NRXN3: variants seen among roughly 807,000 people sequenced by gnomAD.
The protein encoded by NRXN3 is neurexin 3.
In NRXN3, 32 loss-of-function variants were observed where a neutral mutation model predicts 137.6. That is an observed-to-expected ratio of 0.23 (90% CI 0.18 to 0.31). The LOEUF (loss-of-function observed/expected upper bound fraction) is 0.31. NRXN3 is among the 10% of genes least tolerant of loss of function. The probability of loss-of-function intolerance (pLI) is 1.00; values close to 1 mark genes in which losing one functional copy is unlikely to be tolerated. For synonymous variants in NRXN3, 798 were observed against 784.5 expected, an observed-to-expected ratio of 1.02 and a Z score of -0.29; for missense variants, 1,574 against 2,062.5, an observed-to-expected ratio of 0.76 and a Z score of 4.59.
At chr14:78,763,977 C>G (rs925028313) in intron 8 of NRXN3, among the ~76,000 whole-genome samples, 1 of 152,196 alleles carries the variant, frequency 6.6e-6, no homozygotes, top group African/African-American at 2.4e-5. Context: ...GACTGTGACA[C>G]TAGGTGATGA....
At position 78,957,489 on chromosome 14, in the gene NRXN3, A is replaced by C. The variant is rs2152967540; in HGVS notation, c.2395+128A>C. The C allele has an allele frequency of 2.7e-6, 3 of 1,117,024 alleles. No homozygotes were observed. In the East Asian group the frequency reaches 7.7e-5, roughly 28 times the overall value. 69.2% of individuals were successfully genotyped at this position (1,117,024 alleles called of 1,614,324 possible). The stretch of plus-strand genomic sequence containing the variant: ...AAGTCACAAATCATGTTTTCTGTTG[A>C]CAAACTCAGGCAAGGCTAAGAAGGT... On this transcript the variant is annotated intron_variant, in intron 11 of 20. Transcript: ENST00000335750.
chr14:79,347,436 T>C (rs2092944953), intron 15 of NRXN3, among the ~76,000 whole-genome samples: 2 of 151,982 alleles, frequency 1.3e-5, no homozygotes, highest in Admixed American at 1.3e-4. Flanking sequence ...CTTTTTTTTT[T>C]TTTGAAACAG....
intron 20 of NRXN3, among the ~76,000 whole-genome samples, chr14:79,835,864 A>T (rs919371524): frequency 1.3e-5 from 2 of 152,172 alleles, no homozygotes; most frequent in Admixed American, 1.3e-4. Context: ...GATAATCATG[A>T]TAGTCGCACA....
chr14:78,234,738 AG>A (rs772904602), intron 1 of NRXN3, among the ~76,000 whole-genome samples: 2 of 152,130 alleles, frequency 1.3e-5, no homozygotes, highest in Non-Finnish European at 2.9e-5. Flanking sequence ...AGTGCCTTTC[AG>A]GGCTTGAGCT....
chr14:79,360,165 G>A (rs187103593), intron 15 of NRXN3, among the ~76,000 whole-genome samples: 25 of 152,324 alleles, frequency 1.6e-4, no homozygotes, highest in Admixed American at 3.9e-4. Flanking sequence ...AATTGTAACC[G>A]TAGCTTCCTC....
At chr14:78,559,615 T>C (rs148654768) in intron 4 of NRXN3, among the ~76,000 whole-genome samples, 3 of 152,350 alleles carry the variant, frequency 2.0e-5, no homozygotes, top group African/African-American at 4.8e-5. Context: ...CCACCAGCCA[T>C]GCACAAGAAA....
chr14:79,130,382 A>T (rs2057280591), intron 15 of NRXN3, among the ~76,000 whole-genome samples: 1 of 152,076 alleles, frequency 6.6e-6, no homozygotes. Flanking sequence ...TGGTGGTGAC[A>T]AAATCTCTCA....
intron 15 of NRXN3, among the ~76,000 whole-genome samples, chr14:79,400,147 A>C (rs1315067418): frequency 6.6e-6 from 1 of 152,202 alleles, no homozygotes; most frequent in Non-Finnish European, 1.5e-5. Context: ...AAGTAATATC[A>C]CATTCTGAGG....
intron 15 of NRXN3, among the ~76,000 whole-genome samples, chr14:79,257,832 G>A (rs950543929): frequency 1.3e-5 from 2 of 151,808 alleles, no homozygotes; most frequent in African/African-American, 4.8e-5. Context: ...CTCAATTCCT[G>A]TAAAATTATT....
At chr14:78,650,774 T>C (rs2097734075) in intron 5 of NRXN3, among the ~76,000 whole-genome samples, 1 of 152,194 alleles carries the variant, frequency 6.6e-6, no homozygotes, top group South Asian at 2.1e-4. Flanking sequence ...AATGTCTTCT[T>C]TGCTGTTTTT....
intron 15 of NRXN3, among the ~76,000 whole-genome samples, chr14:79,099,379 G>A (rs1486577389): frequency 6.6e-6 from 1 of 152,066 alleles, no homozygotes; most frequent in Non-Finnish European, 1.5e-5. Flanking sequence ...GTGTAGGGTG[G>A]CCATACAATT....
At chr14:78,986,368 A>G (rs1360893599) in intron 14 of NRXN3, among the ~76,000 whole-genome samples, 1 of 152,172 alleles carries the variant, frequency 6.6e-6, no homozygotes, top group Non-Finnish European at 1.5e-5. Context: ...TCCTAAATGT[A>G]TAGATTTATC....
chr14:78,780,186 A>G (rs748413591), intron 8 of NRXN3, among the ~76,000 whole-genome samples: 41 of 152,230 alleles, frequency 2.7e-4, no homozygotes, highest in Non-Finnish European at 5.0e-4. Flanking sequence ...TTGACCAGGT[A>G]GACATTGAAA....
intron 16 of NRXN3, among the ~76,000 whole-genome samples, chr14:79,501,847 G>A (rs544239612): frequency 9.2e-5 from 14 of 152,194 alleles, no homozygotes; most frequent in African/African-American, 1.7e-4. Context: ...GGTGGATGTC[G>A]GAGAGGAAGG....
chr14:78,866,175 A>T (rs1240583061), intron 10 of NRXN3, among the ~76,000 whole-genome samples: 1 of 152,150 alleles, frequency 6.6e-6, no homozygotes, highest in Non-Finnish European at 1.5e-5. Context: ...TCGAGATTAG[A>T]TTGTTCTTGT....
chr14:78,532,530 A>G (rs1229622427), intron 4 of NRXN3, among the ~76,000 whole-genome samples: 2 of 151,524 alleles, frequency 1.3e-5, no homozygotes, highest in African/African-American at 4.8e-5. Context: ...CTTCTCTCCT[A>G]TCTTTCAGGA....
intron 17 of NRXN3, among the ~76,000 whole-genome samples, chr14:79,664,888 T>G (rs2153987752): frequency 6.6e-6 from 1 of 152,256 alleles, no homozygotes; most frequent in South Asian, 2.1e-4. Context: ...AGTGATGTGC[T>G]ACTCTCTATC....
intron 15 of NRXN3, among the ~76,000 whole-genome samples, chr14:78,989,292 G>T (rs910447329): frequency 3.3e-5 from 5 of 152,232 alleles, no homozygotes; most frequent in African/African-American, 7.2e-5. Flanking sequence ...GATCTATGTG[G>T]TTTTTTTGAT....
intron 4 of NRXN3, among the ~76,000 whole-genome samples, chr14:78,433,054 G>A (rs990025735): frequency 6.6e-6 from 1 of 152,162 alleles, no homozygotes; most frequent in African/African-American, 2.4e-5. Context: ...CCTCCTTAGG[G>A]TCTTACAAGG....
Sources: allele counts gnomAD v4.1 joint callset (sites outside exome capture counted in the v4.1 genomes callset), GRCh38; gene constraint gnomAD v4.1.1; transcripts MANE v1.5; gene names NCBI Gene and HGNC (gene_info 2026-07-23, HGNC 2026-07-21).